FBXL20: variants seen among roughly 807,000 people sequenced by gnomAD.
The protein encoded by FBXL20 is F-box and leucine rich repeat protein 20, also known as F-box/LRR-repeat protein 20.
A neutral mutation model predicts 64.0 loss-of-function variants in FBXL20; 11 were observed. That is an observed-to-expected ratio of 0.17 (90% CI 0.11 to 0.28). The LOEUF is 0.28. Among genes scored for constraint, FBXL20 ranks in the 10% least tolerant of loss-of-function variants. The pLI is 1.00. For missense variants in FBXL20, 303 were observed against 526.2 expected (o/e 0.58, Z 4.15); for synonymous variants, 184 against 189.0 (o/e 0.97, Z 0.22).
chr17:39,349,935 CAAAA>C (rs35010353), intron 1 of FBXL20, among the ~76,000 whole-genome samples: 2 of 110,944 alleles, frequency 1.8e-5, no homozygotes, highest in Non-Finnish European at 2.0e-5. Context: ...GACTCCGTCT[CAAAA>C]AAAAAAAAAA....
intron 1 of FBXL20, among the ~76,000 whole-genome samples, chr17:39,371,175 G>C (rs1868660280): frequency 6.6e-6 from 1 of 152,142 alleles, no homozygotes; most frequent in Admixed American, 6.5e-5. Context: ...CCGTGATCCA[G>C]CCTGGGCAAT....
chr17:39,387,894 CT>C (rs2048098014), intron 1 of FBXL20, among the ~76,000 whole-genome samples: 1 of 152,076 alleles, frequency 6.6e-6, no homozygotes, highest in Admixed American at 6.6e-5. Context: ...ACGTTTCCAA[CT>C]TACGATACTT....
At chr17:39,301,936 C>T (rs2047139940) in intron 3 of FBXL20, among the ~76,000 whole-genome samples, 2 of 145,722 alleles carry the variant, frequency 1.4e-5, no homozygotes, top group African/African-American at 5.1e-5. Context: ...CCCACGCACA[C>T]TTAAATTAGA....
chr17:39,322,162 C>A (rs75808573), intron 2 of FBXL20, among the ~76,000 whole-genome samples: 3 of 72,676 alleles, frequency 4.1e-5, no homozygotes, highest in Non-Finnish European at 6.8e-5. Context: ...ACTATCTCTA[C>A]CAAAAAAAAA....
chr17:39,383,734 C>T lies in FBXL20; in HGVS notation c.42+17627G>A, dbSNP rs1230044093. Among the ~76,000 whole-genome samples, 8 of 149,738 alleles carry T rather than the reference C, an allele frequency of 5.3e-5. No homozygotes were observed. The South Asian group carries it at 1.3e-3, about 24-fold the overall frequency. On this transcript the variant is annotated intron_variant, in intron 1 of 14. Transcript: ENST00000264658. ...CCTCCCAAGTAGCTGGGATTACAGGCGCATGTCACCATGCCTGGCTAATTT... is the reference window on the plus strand; with the variant it reads ...CCTCCCAAGTAGCTGGGATTACAGGTGCATGTCACCATGCCTGGCTAATTT...
chr17:39,390,562 T>TAA (rs568332066), intron 1 of FBXL20, among the ~76,000 whole-genome samples: 4 of 133,932 alleles, frequency 3.0e-5, no homozygotes, highest in Non-Finnish European at 4.9e-5. Context: ...GACTCCATCT[T>TAA]AAAAAAAAAA....
chr17:39,350,771 C>G (rs2047680464), intron 1 of FBXL20, among the ~76,000 whole-genome samples: 1 of 152,160 alleles, frequency 6.6e-6, no homozygotes, highest in African/African-American at 2.4e-5. Flanking sequence ...GGATGGTCCC[C>G]TGAGCAGGAG....
At chr17:39,359,359 G>A (rs1202198960) in intron 1 of FBXL20, among the ~76,000 whole-genome samples, 1 of 151,790 alleles carries the variant, frequency 6.6e-6, no homozygotes, top group African/African-American at 2.4e-5. Context: ...AACAACAGAG[G>A]TGGGCCTGCA....
chr17:39,267,297 G>GT (rs1461428309), intron 12 of FBXL20, among the ~76,000 whole-genome samples: 8 of 151,832 alleles, frequency 5.3e-5, no homozygotes, highest in African/African-American at 1.5e-4. Context: ...AGTCTGAGCG[G>GT]TAACAGCAAG....
Position 39,255,795 on chromosome 17 carries a change from T to A in FBXL20, c.*5665A>T, listed in dbSNP as rs2046690017. The A allele has an allele frequency of 6.8e-6, 1 of 146,906 alleles. No individual in the cohort carries two copies. The allele number at this position is 146,906 out of a possible 1,614,324, so 9.1% of individuals were successfully genotyped here. A position where few individuals can be genotyped will look rare whatever the true frequency, so the allele number is the denominator to read the frequency against. Reference sequence around the variant, plus strand: ...AGGCGGAGGTTGCGGTGAGCCGAGATCTCACTATTGCACTCCAGCCTGGGC... The same window carrying A: ...AGGCGGAGGTTGCGGTGAGCCGAGAACTCACTATTGCACTCCAGCCTGGGC... On this transcript the variant is annotated 3_prime_UTR_variant, in exon 15 of 15. Coordinates refer to ENST00000264658, the MANE Select transcript of FBXL20 (RefSeq NM_032875.3).
At chr17:39,292,299 T>C (rs1175366469) in intron 6 of FBXL20, among the ~76,000 whole-genome samples, 1 of 150,756 alleles carries the variant, frequency 6.6e-6, no homozygotes, top group East Asian at 1.9e-4. Context: ...GTATTTATAA[T>C]AGTATGTATT....
At chr17:39,313,608 TA>T (rs1349248120) in intron 2 of FBXL20, among the ~76,000 whole-genome samples, 1 of 151,950 alleles carries the variant, frequency 6.6e-6, no homozygotes, top group Admixed American at 6.6e-5. Flanking sequence ...CTACAGCAAT[TA>T]TTTTTTTCCC....
intron 6 of FBXL20, among the ~76,000 whole-genome samples, chr17:39,295,006 T>A (rs187304074): frequency 8.5e-5 from 13 of 152,332 alleles, no homozygotes; most frequent in Admixed American, 6.5e-4. Flanking sequence ...TGAGAGACTT[T>A]ATTGTTAAAG....
At chr17:39,367,732 A>G (rs182045674) in intron 1 of FBXL20, among the ~76,000 whole-genome samples, 4 of 151,936 alleles carry the variant, frequency 2.6e-5, no homozygotes, top group African/African-American at 9.6e-5. Flanking sequence ...AAAATTTTCA[A>G]TAAGTTTCTA....
chr17:39,386,400 G>A (rs1003230508), intron 1 of FBXL20, among the ~76,000 whole-genome samples: 5 of 152,102 alleles, frequency 3.3e-5, no homozygotes, highest in Non-Finnish European at 7.4e-5. Context: ...AGGCCAGGGC[G>A]GGGTGGATCA....
chr17:39,292,553 C>T (rs112115974), intron 6 of FBXL20, among the ~76,000 whole-genome samples: 2 of 152,248 alleles, frequency 1.3e-5, no homozygotes, highest in African/African-American at 4.8e-5. Context: ...ACCACCACAC[C>T]TGGCTTGTAA....
In FBXL20 at chr17:39,316,098, C is replaced by T. The variant is rs143199277; in HGVS notation, c.105-12459G>A. Among the ~76,000 whole-genome samples, 57 of 152,044 alleles carry T rather than the reference C, an allele frequency of 3.7e-4. No individual in the cohort carries two copies. In the East Asian group the frequency reaches 9.1e-3, roughly 24 times the overall value. On this transcript the variant is annotated intron_variant, in intron 2 of 14. Transcript: ENST00000264658. Reference sequence around the variant, plus strand: ...GATCCTATCTCTAAAAACAAAAAAACATGAACCACAACAGAAGTTAGGTTT... The same window carrying T: ...GATCCTATCTCTAAAAACAAAAAAATATGAACCACAACAGAAGTTAGGTTT...
intron 6 of FBXL20, among the ~76,000 whole-genome samples, chr17:39,295,214 A>G (rs1203112154): frequency 6.6e-6 from 1 of 152,164 alleles, no homozygotes; most frequent in East Asian, 1.9e-4. Flanking sequence ...TCATATTTAA[A>G]AAAAGTCAGC....
rs371831987 is a variant in FBXL20, at chr17:39,389,567, C to G, written c.42+11794G>C. 8.0e-4 allele frequency among the ~76,000 whole-genome samples: 121 copies of G among 152,198 alleles called. 1 individual carries two copies. Among genetic ancestry groups the G allele is most frequent in the African/African-American group, 2.8e-3 (118 of 41,534 alleles). ...AGTGCAGTGGCTCATGCCTGTAATC[C>G]CAGCACTCTGTGAGGCTGATGCAAG... On this transcript the variant is annotated intron_variant, in intron 1 of 14. Coordinates refer to ENST00000264658, the MANE Select transcript of FBXL20 (RefSeq NM_032875.3).
Sources: allele counts gnomAD v4.1 joint callset (sites outside exome capture counted in the v4.1 genomes callset), GRCh38; gene constraint gnomAD v4.1.1; transcripts MANE v1.5; gene names NCBI Gene and HGNC (gene_info 2026-07-23, HGNC 2026-07-21).